PDE1C: variants seen among roughly 807,000 people sequenced by gnomAD.
PDE1C encodes phosphodiesterase 1C, also known as dual specificity calcium/calmodulin-dependent 3',5'-cyclic nucleotide phosphodiesterase 1C.
A neutral mutation model predicts 93.1 loss-of-function variants in PDE1C; 62 were observed. The observed-to-expected ratio is 0.67, with a 90% CI of 0.54 to 0.82. The LOEUF is 0.82. Ranked by LOEUF, PDE1C falls within the 40% of genes least tolerant of loss-of-function variation. The probability of loss-of-function intolerance (pLI) is 0.00; values close to 1 mark genes in which losing one functional copy is unlikely to be tolerated. For missense variants in PDE1C, 742 were observed against 884.6 expected (o/e 0.84, Z 2.04); for synonymous variants, 325 against 310.1 (o/e 1.05, Z -0.50).
chr7:31,791,762 C>G (rs1784620950), intron 16 of PDE1C, among the ~76,000 whole-genome samples: 1 of 152,010 alleles, frequency 6.6e-6, no homozygotes. Context: ...CTCACCTGGC[C>G]AACAAGGAGA....
At chr7:32,159,333 T>C (rs904587038) in intron 3 of PDE1C, among the ~76,000 whole-genome samples, 1 of 152,188 alleles carries the variant, frequency 6.6e-6, no homozygotes. Context: ...CAAATATTTC[T>C]ACAGAGTAAA....
At chr7:31,642,156 A>C in the PDE1C span, 2 of 1,544,470 alleles carry the variant, frequency 1.3e-6, no homozygotes, top group Non-Finnish European at 1.8e-6. Flanking sequence ...AATAACCTCA[A>C]GACCTCTTTC....
At chr7:32,294,186 C>T (rs960458232) in intron 1 of PDE1C, among the ~76,000 whole-genome samples, 6 of 152,192 alleles carry the variant, frequency 3.9e-5, no homozygotes, top group Admixed American at 1.3e-4. Context: ...CACTCCCAGC[C>T]CCTCAAGCCT....
chr7:32,362,245 G>A (rs777428881), intron 1 of PDE1C, among the ~76,000 whole-genome samples: 1 of 152,236 alleles, frequency 6.6e-6, no homozygotes, highest in South Asian at 2.1e-4. Flanking sequence ...TGTGTGTGGT[G>A]GTTGTACATG....
At chr7:32,260,772 C>A (rs887945953) in intron 1 of PDE1C, among the ~76,000 whole-genome samples, 1 of 149,280 alleles carries the variant, frequency 6.7e-6, no homozygotes, top group Non-Finnish European at 1.5e-5. Flanking sequence ...CCCGAAAAGA[C>A]CCCCTTCTTG....
chr7:32,137,326 T>G (rs1800270231), intron 3 of PDE1C, among the ~76,000 whole-genome samples: 1 of 151,906 alleles, frequency 6.6e-6, no homozygotes, highest in Non-Finnish European at 1.5e-5. Flanking sequence ...AACCCCAGAG[T>G]CACCTGATTC....
intron 1 of PDE1C, 78 bp downstream of exon 1, chr7:32,070,215 C>T: frequency 6.3e-7 from 1 of 1,597,362 alleles, no homozygotes; most frequent in Middle Eastern, 1.9e-4. Flanking sequence ...ACAGGGTGAG[C>T]AGTCGTGACT....
intron 1 of PDE1C, among the ~76,000 whole-genome samples, chr7:32,350,573 TATATATATATATATATA>T (rs1317600967): frequency 0.45 from 2,188 of 4,902 alleles, 645 homozygotes; most frequent in Middle Eastern, 0.5. Flanking sequence ...TATATATATA[TATATATATATATATATA>T]TTTTTTTTTT....
In PDE1C at chr7:31,785,572, C is replaced by T. The variant is rs1562787830; in HGVS notation, c.1892-9840G>A. 7 of 152,142 alleles carry T rather than the reference C, an allele frequency of 4.6e-5. No individual in the cohort carries two copies. In the South Asian group the frequency reaches 6.2e-4, roughly 13 times the overall value. The allele number at this position is 152,142 out of a possible 1,614,324, so 9.4% of individuals were successfully genotyped here. A position where few individuals can be genotyped will look rare whatever the true frequency, so the allele number is the denominator to read the frequency against. On this transcript the variant is annotated intron_variant, in intron 16 of 17. Coordinates refer to ENST00000396191, the MANE Select transcript of PDE1C (RefSeq NM_001191057.4). ...CAGTCCAGGTCATCCACTGCACAATCGTTCCTTGTTTAATATAAAAACAAG... is the reference window on the plus strand; with the variant it reads ...CAGTCCAGGTCATCCACTGCACAATTGTTCCTTGTTTAATATAAAAACAAG...
chr7:31,657,788 G>A, the PDE1C span, among the ~76,000 whole-genome samples: 2 of 151,910 alleles, frequency 1.3e-5, no homozygotes, highest in African/African-American at 2.4e-5. Flanking sequence ...TTTGCAGAAA[G>A]TTAGCACAGC....
At chr7:31,789,077 T>A (rs1784302112) in intron 16 of PDE1C, 1 of 152,202 alleles carries the variant, frequency 6.6e-6, no homozygotes, top group African/African-American at 2.4e-5. Context: ...ATCATCAGCA[T>A]ATTCATGTGC....
At chr7:32,042,688 T>C (rs750238774) in intron 2 of PDE1C, among the ~76,000 whole-genome samples, 2 of 152,200 alleles carry the variant, frequency 1.3e-5, no homozygotes, top group African/African-American at 4.8e-5. Context: ...ATAATCTGGC[T>C]AGGGGCTAAA....
At chr7:32,078,593 T>C (rs1166609360) in intron 3 of PDE1C, among the ~76,000 whole-genome samples, 1 of 152,116 alleles carries the variant, frequency 6.6e-6, no homozygotes, top group African/African-American at 2.4e-5. Context: ...GGGCAACGGC[T>C]ATACATGCAG....
intron 9 of PDE1C, 82 bp from the exon 10 acceptor site, chr7:31,838,053 A>G (rs1791350110): frequency 2.3e-6 from 2 of 858,504 alleles, no homozygotes; most frequent in Non-Finnish European, 3.9e-6. Flanking sequence ...TGCCACTGCT[A>G]ATGAAAATCA....
chr7:31,803,612 T>G lies in PDE1C; in HGVS notation c.1891+5419A>C, dbSNP rs577918861. On this transcript the variant is annotated intron_variant, in intron 16 of 17. Coordinates refer to ENST00000396191, the MANE Select transcript of PDE1C (RefSeq NM_001191057.4). ...CCTTCCTGTGTCCATGTGTTCTCAT[T>G]GTTCAATTCCCACCTATGAGTGAGA... 2.9e-4 allele frequency among the ~76,000 whole-genome samples: 44 copies of G among 152,032 alleles called. No homozygotes were observed. In the South Asian group the frequency reaches 6.6e-3, roughly 23 times the overall value.
chr7:32,267,582 ACACACTCT>A lies in PDE1C; in HGVS notation c.85+31061_85+31068del, dbSNP rs1223240614. ...CTCTTTCTCTCTCTCTCACACACAC[ACACACTCT>A]CTCTCTCTCTCTCTCTCTCTCTCTC... On this transcript the variant is annotated intron_variant, in intron 1 of 18. Transcript: ENST00000396193. 1.3e-4 allele frequency among the ~76,000 whole-genome samples: 9 copies of A among 70,576 alleles called. No homozygotes were observed. The East Asian group carries it at 2.3e-3, about 18-fold the overall frequency. The allele number at this position is 70,576 out of a possible 152,430, so 46.3% of individuals were successfully genotyped here.
At chr7:32,026,808 A>G (rs1245522963) in intron 2 of PDE1C, among the ~76,000 whole-genome samples, 1 of 152,182 alleles carries the variant, frequency 6.6e-6, no homozygotes, top group Non-Finnish European at 1.5e-5. Flanking sequence ...ACATCTAGAC[A>G]GTGGAAAATA....
chr7:31,818,526 T>G (rs1364640788), intron 14 of PDE1C, among the ~76,000 whole-genome samples: 1 of 152,204 alleles, frequency 6.6e-6, no homozygotes, highest in Non-Finnish European at 1.5e-5. Context: ...TATATGCAAG[T>G]GTAACCTTAT....
intron 5 of PDE1C, 37 bp downstream of exon 5, chr7:31,877,933 T>C (rs1796790222): frequency 3.6e-6 from 5 of 1,371,878 alleles, no homozygotes; most frequent in Non-Finnish European, 5.1e-6. Context: ...TTTTATTAGG[T>C]ACCATGTACA....
Sources: gnomAD v4.1 joint callset for allele counts (sites outside exome capture counted in the v4.1 genomes callset) on GRCh38, gnomAD v4.1.1 for gene constraint, MANE v1.5 for transcripts, NCBI Gene and HGNC (gene_info 2026-07-23, HGNC 2026-07-21) for gene names.